Variants in MAGI2 observed in about 807,000 individuals in gnomAD.
MAGI2 encodes the protein membrane associated guanylate kinase, WW and PDZ domain containing 2.
MAGI2 carries 35 observed loss-of-function variants against 133.3 expected under a neutral mutation model. The ratio of observed to expected loss-of-function variants is 0.26; its 90% CI spans 0.20 to 0.35. The LOEUF is 0.35. MAGI2 is among the 10% of genes least tolerant of loss of function. The pLI, the probability that MAGI2 is intolerant of heterozygous loss-of-function variation, is 1.00. For synonymous variants in MAGI2, 729 were observed against 710.6 expected (o/e 1.03, Z -0.41); for missense variants, 1,636 against 1,863.4 (o/e 0.88, Z 2.25).
chr7:78,573,326 A>T (rs1258694342), intron 3 of MAGI2, among the ~76,000 whole-genome samples: 5 of 71,024 alleles, frequency 7.0e-5, no homozygotes, highest in African/African-American at 2.7e-4. Context: ...ATATAAATAT[A>T]TATATAAATA....
chr7:78,493,283 G>T (rs1402964383), intron 5 of MAGI2, among the ~76,000 whole-genome samples: 3 of 152,136 alleles, frequency 2.0e-5, no homozygotes, highest in Non-Finnish European at 4.4e-5. Flanking sequence ...GAAGCAGCAG[G>T]TTAATATCCT....
chr7:79,385,499 T>C (rs1399727731), intron 1 of MAGI2, among the ~76,000 whole-genome samples: 1 of 151,934 alleles, frequency 6.6e-6, no homozygotes, highest in Non-Finnish European at 1.5e-5. Flanking sequence ...TACTTTTAGT[T>C]CTAAGAATTG....
chr7:78,422,225 T>C (rs760217772), intron 6 of MAGI2, among the ~76,000 whole-genome samples: 2 of 152,150 alleles, frequency 1.3e-5, no homozygotes, highest in Non-Finnish European at 2.9e-5. Flanking sequence ...AGAGTGCCTA[T>C]ACCTTATGCC....
chr7:79,191,780 C>T (rs530651794), intron 1 of MAGI2, among the ~76,000 whole-genome samples: 17 of 151,610 alleles, frequency 1.1e-4, no homozygotes, highest in South Asian at 4.1e-4. Context: ...ATCCATACTC[C>T]CCTTTTCTAG....
chr7:78,037,962 G>A (rs1304842136), intron 21 of MAGI2, among the ~76,000 whole-genome samples: 12 of 152,194 alleles, frequency 7.9e-5, no homozygotes. Context: ...CTCTTCACAG[G>A]AGTAGACATG....
chr7:78,745,469 T>TCC (rs1242813770), intron 2 of MAGI2, among the ~76,000 whole-genome samples: 6 of 151,984 alleles, frequency 3.9e-5, no homozygotes, highest in African/African-American at 1.5e-4. Context: ...TGTTGTTCTC[T>TCC]CCACATGTCA....
intron 9 of MAGI2, among the ~76,000 whole-genome samples, chr7:78,294,819 T>G (rs13234232): frequency 0.18 from 27,989 of 152,126 alleles, 3,325 homozygotes; most frequent in Middle Eastern, 0.3. Context: ...TTATGGTGGT[T>G]GCACTTGTAA....
chr7:78,276,922 A>G (rs1795114910), intron 9 of MAGI2, among the ~76,000 whole-genome samples: 1 of 152,128 alleles, frequency 6.6e-6, no homozygotes, highest in African/African-American at 2.4e-5. Flanking sequence ...TGGAGTCATC[A>G]ATATAGAGAC....
At chr7:79,099,608 T>C (rs1817795912) in intron 1 of MAGI2, among the ~76,000 whole-genome samples, 1 of 152,136 alleles carries the variant, frequency 6.6e-6, no homozygotes, top group Non-Finnish European at 1.5e-5. Flanking sequence ...TGGGTAGTTT[T>C]TTCTTCTCAC....
chr7:78,624,250 C>A (rs1422733946), intron 3 of MAGI2, among the ~76,000 whole-genome samples: 3 of 151,954 alleles, frequency 2.0e-5, no homozygotes, highest in Admixed American at 6.6e-5. Context: ...ACATTTTCTC[C>A]CATTCTGTAG....
intron 2 of MAGI2, among the ~76,000 whole-genome samples, chr7:78,804,797 G>T (rs1788420358): frequency 6.7e-6 from 1 of 148,924 alleles, no homozygotes; most frequent in Admixed American, 6.7e-5. Context: ...GCTGGGCACG[G>T]TGGCTCCTGC....
At chr7:78,318,301 C>T (rs542302069) in intron 9 of MAGI2, among the ~76,000 whole-genome samples, 1 of 152,252 alleles carries the variant, frequency 6.6e-6, no homozygotes, top group Non-Finnish European at 1.5e-5. Context: ...AGCTGAAAAA[C>T]ACAGCAAGAG....
intron 1 of MAGI2, among the ~76,000 whole-genome samples, chr7:79,094,193 TC>T (rs1386074504): frequency 6.6e-6 from 1 of 152,172 alleles, no homozygotes; most frequent in East Asian, 1.9e-4. Context: ...ATATTCTAAA[TC>T]CTTTGCTGTC....
intron 1 of MAGI2, among the ~76,000 whole-genome samples, chr7:79,251,711 T>C (rs762614656): frequency 2.4e-4 from 36 of 152,310 alleles, no homozygotes; most frequent in Middle Eastern, 6.8e-3. Context: ...AACTACCATA[T>C]GTTCCAGCAA....
chr7:79,163,268 C>T (rs921233797), intron 1 of MAGI2, among the ~76,000 whole-genome samples: 9 of 152,154 alleles, frequency 5.9e-5, no homozygotes, highest in Admixed American at 5.9e-4. Context: ...CTCTGCCTCC[C>T]AGGTTCAAGT....
chr7:78,953,460 T>G (rs954472902), intron 2 of MAGI2, among the ~76,000 whole-genome samples: 16 of 152,078 alleles, frequency 1.1e-4, no homozygotes, highest in African/African-American at 3.9e-4. Flanking sequence ...TGAAATAGAG[T>G]TAAATGGCTT....
At chr7:79,415,699 G>C (rs546521671) in intron 1 of MAGI2, 2 of 152,134 alleles carry the variant, frequency 1.3e-5, no homozygotes, top group East Asian at 3.9e-4. Context: ...ATGGACACCA[G>C]ATTAAACAGT....
At chr7:78,898,283 C>G (rs905386125) in intron 2 of MAGI2, among the ~76,000 whole-genome samples, 1 of 152,150 alleles carries the variant, frequency 6.6e-6, no homozygotes, top group East Asian at 1.9e-4. Context: ...GTGGCAAATC[C>G]TCAAAGACCT....
At chr7:79,089,672 T>C (rs964514978) in intron 1 of MAGI2, among the ~76,000 whole-genome samples, 14 of 152,200 alleles carry the variant, frequency 9.2e-5, no homozygotes, top group African/African-American at 3.1e-4. Context: ...TGGATGAAGC[T>C]GGAAACCCTC....
Sources: allele counts gnomAD v4.1 joint callset (sites outside exome capture counted in the v4.1 genomes callset), GRCh38; gene constraint gnomAD v4.1.1; transcripts MANE v1.5; gene names NCBI Gene and HGNC (gene_info 2026-07-23, HGNC 2026-07-21).